Variants in ERBB4 observed in about 807,000 individuals in gnomAD.
The protein encoded by ERBB4 is receptor tyrosine-protein kinase erbB-4.
ERBB4 carries 42 observed loss-of-function variants against 158.0 expected under a neutral mutation model. That is an observed-to-expected ratio of 0.27 (90% CI 0.21 to 0.34). The LOEUF is 0.34. Ranked by LOEUF, ERBB4 falls within the 10% of genes least tolerant of loss-of-function variation. ERBB4 has a pLI of 1.00. For synonymous variants in ERBB4, 583 were observed against 558.7 expected (o/e 1.04, Z -0.61); for missense variants, 1,333 against 1,624.1 (o/e 0.82, Z 3.08).
At chr2:211,969,665 C>T (rs2081398099) in intron 2 of ERBB4, among the ~76,000 whole-genome samples, 1 of 151,976 alleles carries the variant, frequency 6.6e-6, no homozygotes, top group Non-Finnish European at 1.5e-5. Flanking sequence ...TTAGACTTCT[C>T]TCTGGATAAG....
At chr2:212,215,109 T>C (rs2083058334) in intron 1 of ERBB4, among the ~76,000 whole-genome samples, 2 of 151,560 alleles carry the variant, frequency 1.3e-5, no homozygotes, top group South Asian at 4.1e-4. Context: ...AGAGAGACTT[T>C]ACAGGTGCTT....
intron 19 of ERBB4, among the ~76,000 whole-genome samples, chr2:211,567,192 C>T (rs539519201): frequency 2.0e-5 from 3 of 152,292 alleles, no homozygotes; most frequent in East Asian, 3.9e-4. Context: ...TTGTTAGTAG[C>T]AGGATCAGTA....
At chr2:212,525,083 T>C (rs1692377206) in intron 1 of ERBB4, among the ~76,000 whole-genome samples, 1 of 152,004 alleles carries the variant, frequency 6.6e-6, no homozygotes, top group Non-Finnish European at 1.5e-5. Context: ...TTGTAAGAAA[T>C]ACACTACTTG....
intron 16 of ERBB4, among the ~76,000 whole-genome samples, chr2:211,653,482 C>A (rs1345937997): frequency 1.4e-5 from 2 of 148,048 alleles, no homozygotes; most frequent in African/African-American, 2.5e-5. Flanking sequence ...CACCCGCCCC[C>A]CCCCACGCCC....
At chr2:211,666,150 T>C (rs527707320) in intron 14 of ERBB4, among the ~76,000 whole-genome samples, 1 of 152,296 alleles carries the variant, frequency 6.6e-6, no homozygotes, top group East Asian at 1.9e-4. Context: ...TTTTTCTTTA[T>C]TTCATATCCA....
chr2:212,055,502 G>A (rs984472784), intron 2 of ERBB4, among the ~76,000 whole-genome samples: 9 of 152,216 alleles, frequency 5.9e-5, no homozygotes, highest in East Asian at 3.9e-4. Flanking sequence ...CCTGACCCCC[G>A]AGTAGCCTAA....
intron 1 of ERBB4, among the ~76,000 whole-genome samples, chr2:212,371,898 C>G (rs2090101002): frequency 6.6e-6 from 1 of 152,000 alleles, no homozygotes; most frequent in African/African-American, 2.4e-5. Flanking sequence ...TTGTGTGACC[C>G]AAAGGATATT....
rs150240658 is a variant in ERBB4, at chr2:212,277,140, T to C, written c.83-152237A>G. The stretch of plus-strand genomic sequence containing the variant: ...TCAGCAAGCTAGGGGGAATGAGGTA[T>C]ATTAGAAATAAGTTGACAGAGAGAT... On this transcript the variant is annotated intron_variant, in intron 1 of 27. Coordinates refer to ENST00000342788, the MANE Select transcript of ERBB4 (RefSeq NM_005235.3). Among the ~76,000 whole-genome samples the C allele has an allele frequency of 2.0e-5, 3 of 151,922 alleles. No homozygotes were observed. In the East Asian group the frequency reaches 5.8e-4, roughly 30 times the overall value.
At chr2:211,573,705 AT>A (rs56974588) in intron 19 of ERBB4, among the ~76,000 whole-genome samples, 122,814 of 151,080 alleles carry the variant, frequency 0.81, 49,829 homozygotes, top group East Asian at 0.89. Context: ...AATAGAAAAT[AT>A]TAAAAAAAAA....
At chr2:212,023,384 G>A (rs2076699585) in intron 2 of ERBB4, among the ~76,000 whole-genome samples, 1 of 151,954 alleles carries the variant, frequency 6.6e-6, no homozygotes, top group Non-Finnish European at 1.5e-5. Flanking sequence ...ACACCTATGA[G>A]ATGATATTTC....
At chr2:211,938,193 A>G (rs1363044586) in intron 3 of ERBB4, among the ~76,000 whole-genome samples, 1 of 152,170 alleles carries the variant, frequency 6.6e-6, no homozygotes, top group African/African-American at 2.4e-5. Flanking sequence ...TATTTCCAGA[A>G]CTGCATTTAA....
chr2:212,312,801 C>T (rs78754312), intron 1 of ERBB4, among the ~76,000 whole-genome samples: 2,172 of 150,806 alleles, frequency 0.014, 48 homozygotes, highest in African/African-American at 0.05. Context: ...TCCTCCTCCT[C>T]TTCTTCCTTA....
At chr2:212,350,779 T>C (rs1268645445) in intron 1 of ERBB4, among the ~76,000 whole-genome samples, 1 of 147,348 alleles carries the variant, frequency 6.8e-6, no homozygotes, top group Non-Finnish European at 1.5e-5. Flanking sequence ...ATAAATAAGG[T>C]GACAAATTCA....
chr2:212,125,252 T>G (rs1359233240), intron 1 of ERBB4: 1 of 203,184 alleles, frequency 4.9e-6, no homozygotes, highest in Non-Finnish European at 1.0e-5. Flanking sequence ...CTCTGTTTTC[T>G]AATTGGGTAA....
intron 1 of ERBB4, among the ~76,000 whole-genome samples, chr2:212,167,860 G>A (rs1257780218): frequency 6.6e-6 from 1 of 152,024 alleles, no homozygotes; most frequent in African/African-American, 2.4e-5. Flanking sequence ...AACACCACAT[G>A]TTCTCACTCA....
At chr2:212,147,765 T>C (rs1448049823) in intron 1 of ERBB4, among the ~76,000 whole-genome samples, 8 of 152,200 alleles carry the variant, frequency 5.3e-5, no homozygotes, top group Admixed American at 6.5e-5. Context: ...TGTAAAGTTT[T>C]GTTTTGCTGT....
chr2:212,248,251 A>G (rs16848065), intron 1 of ERBB4, among the ~76,000 whole-genome samples: 7,952 of 152,216 alleles, frequency 0.052, 651 homozygotes, highest in African/African-American at 0.18. Context: ...TTTTGAGCCT[A>G]TGCCAAATTT....
At chr2:211,939,428 A>G (rs921327991) in intron 3 of ERBB4, among the ~76,000 whole-genome samples, 3 of 151,944 alleles carry the variant, frequency 2.0e-5, no homozygotes, top group African/African-American at 7.3e-5. Flanking sequence ...GCAGTTTGCA[A>G]GGTGCAAACT....
intron 1 of ERBB4, among the ~76,000 whole-genome samples, chr2:212,351,340 A>G (rs947960308): frequency 1.4e-4 from 21 of 152,124 alleles, no homozygotes; most frequent in Admixed American, 1.4e-3. Flanking sequence ...AGCCTCCAGA[A>G]CTATGGTAAA....
Sources: allele counts gnomAD v4.1 joint callset (sites outside exome capture counted in the v4.1 genomes callset), GRCh38; gene constraint gnomAD v4.1.1; transcripts MANE v1.5; gene names NCBI Gene and HGNC (gene_info 2026-07-23, HGNC 2026-07-21).